Variants in RFX6 observed in about 807,000 individuals in gnomAD.
RFX6 encodes regulatory factor X6.
RFX6 carries 50 observed loss-of-function variants against 110.8 expected under a neutral mutation model. That is an observed-to-expected ratio of 0.45 (90% CI 0.36 to 0.57). RFX6 has a LOEUF of 0.57. Ranked by LOEUF, RFX6 falls within the 20% of genes least tolerant of loss-of-function variation. RFX6 has a pLI of 0.00. For synonymous variants in RFX6, 383 were observed against 411.2 expected (o/e 0.93, Z 0.83); for missense variants, 990 against 1,127.0 (o/e 0.88, Z 1.74).
intron 7 of RFX6, among the ~76,000 whole-genome samples, 164 bp downstream of exon 7, chr6:116,911,206 A>G (rs1301382487): frequency 6.6e-6 from 1 of 152,200 alleles, no homozygotes; most frequent in Non-Finnish European, 1.5e-5. Flanking sequence ...ATTGATTAAC[A>G]CTTCCAATTA....
intron 7 of RFX6, among the ~76,000 whole-genome samples, chr6:116,915,426 A>T (rs1234107925): frequency 6.6e-6 from 1 of 152,138 alleles, no homozygotes; most frequent in Non-Finnish European, 1.5e-5. Context: ...TGTTATTACT[A>T]CCTACTTAAA....
chr6:116,894,163 G>A, intron 5 of RFX6, 99 bp downstream of exon 5: 1 of 788,078 alleles, frequency 1.3e-6, no homozygotes, highest in Non-Finnish European at 2.3e-6. Flanking sequence ...TTATCAAGAT[G>A]TTTCCATTTA....
intron 6 of RFX6, among the ~76,000 whole-genome samples, chr6:116,907,213 T>A (rs532887557): frequency 1.3e-5 from 2 of 152,252 alleles, no homozygotes; most frequent in South Asian, 4.1e-4. Flanking sequence ...AAATCTCACT[T>A]ATTTATGGTG....
intron 16 of RFX6, 88 bp from the exon 17 acceptor site, chr6:116,926,939 A>C: frequency 8.1e-7 from 1 of 1,238,390 alleles, no homozygotes; most frequent in South Asian, 1.2e-5. Context: ...AAAACAATAC[A>C]TTAATAAATC....
chr6:116,894,464 T>C (rs4946201), intron 5 of RFX6, among the ~76,000 whole-genome samples: 2 of 152,290 alleles, frequency 1.3e-5, no homozygotes, highest in South Asian at 4.1e-4. Context: ...CTTACCAAGA[T>C]AGAAAGTTTA....
intron 6 of RFX6, among the ~76,000 whole-genome samples, chr6:116,910,255 T>A (rs1247524565): frequency 6.6e-6 from 1 of 152,234 alleles, no homozygotes; most frequent in Admixed American, 6.5e-5. Flanking sequence ...GTCATGAATA[T>A]GTGTTTGTTC....
At chr6:116,887,031 C>T (rs1017986833) in intron 4 of RFX6, among the ~76,000 whole-genome samples, 2 of 151,994 alleles carry the variant, frequency 1.3e-5, no homozygotes, top group Non-Finnish European at 2.9e-5. Context: ...CCACTGCACT[C>T]CAGCCTGGCG....
At position 116,890,777 on chromosome 6, in the gene RFX6, G is replaced by T. The variant is rs865873234; in HGVS notation, c.567-3210G>T. Among the ~76,000 whole-genome samples the T allele has an allele frequency of 2.0e-5, 3 of 152,012 alleles. No homozygotes were observed. In the South Asian group the frequency reaches 6.2e-4, roughly 32 times the overall value. The stretch of plus-strand genomic sequence containing the variant: ...ATAAAATACATACATTAATTAAAAA[G>T]CACGGTTTTTTGAGTATATATAAAA... On this transcript the variant is annotated intron_variant, in intron 4 of 18. Coordinates refer to ENST00000332958, the MANE Select transcript of RFX6 (RefSeq NM_173560.4).
At chr6:116,884,258 C>T (rs1345154985) in intron 4 of RFX6, among the ~76,000 whole-genome samples, 2 of 152,108 alleles carry the variant, frequency 1.3e-5, no homozygotes, top group Admixed American at 6.6e-5. Context: ...TGGCAGTTTG[C>T]TGGTACCTAT....
chr6:116,909,094 G>GT (rs1386493331), intron 6 of RFX6, among the ~76,000 whole-genome samples: 2 of 151,620 alleles, frequency 1.3e-5, no homozygotes, highest in Non-Finnish European at 2.9e-5. Flanking sequence ...TTTTGAGTCT[G>GT]TTTTTTTCTT....
chr6:116,913,900 A>C lies in RFX6; in HGVS notation c.781-2108A>C, dbSNP rs372304456. 2.0e-4 allele frequency among the ~76,000 whole-genome samples: 31 copies of C among 152,270 alleles called. No homozygotes were observed. In the South Asian group the frequency reaches 6.4e-3, roughly 32 times the overall value. ...AATCAGTGTAATTGGGTTACTGATC[A>C]CCTTAAATATTTATCTTCTCTTTTT... is the stretch of plus-strand genomic sequence containing the variant. On this transcript the variant is annotated intron_variant, in intron 7 of 18. Transcript: ENST00000332958.
At chr6:116,895,546 G>T (rs780729807) in intron 6 of RFX6, among the ~76,000 whole-genome samples, 10 of 151,994 alleles carry the variant, frequency 6.6e-5, no homozygotes, top group Non-Finnish European at 1.2e-4. Flanking sequence ...GATATGGAAA[G>T]AATTGGTCTT....
intron 18 of RFX6, among the ~76,000 whole-genome samples, 167 bp from the exon 19 acceptor site, chr6:116,931,164 C>A (rs755361545): frequency 9.9e-5 from 15 of 151,956 alleles, no homozygotes; most frequent in Non-Finnish European, 1.9e-4. Flanking sequence ...CAAGTGGGAA[C>A]AAATGGAAGA....
rs751261241 is a variant in RFX6 at position 116,928,772 on chromosome 6, C to G, written c.2412C>G (p.Ser804Arg). Residue 804 changes from serine (S) to arginine (R), a missense_variant, in exon 18 of 19, where the codon AGC (serine) becomes AGG (arginine). Ser to Arg is a moderately radical substitution (Grantham distance 110). Coordinates refer to ENST00000332958, the MANE Select transcript of RFX6 (RefSeq NM_173560.4). ...PPNSPNGYYG[S>R]NINYPESHRL... ...TTTCTGTTACAGGATACTATGGAAGCAACATAAACTACCCAGAGTCTCACA... is the reference window on the plus strand; with the variant it reads ...TTTCTGTTACAGGATACTATGGAAGGAACATAAACTACCCAGAGTCTCACA... 2.5e-6 allele frequency: 4 copies of G among 1,611,694 alleles called. No homozygotes were observed. The African/African-American group carries it at 4.0e-5, about 16-fold the overall frequency.
chr6:116,906,137 C>T (rs1357819307), intron 6 of RFX6, among the ~76,000 whole-genome samples: 2 of 152,132 alleles, frequency 1.3e-5, no homozygotes, highest in South Asian at 2.1e-4. Context: ...TGTCCTTTCC[C>T]CATAGAATGG....
chr6:116,916,925 A>G (rs1292431169), intron 9 of RFX6, among the ~76,000 whole-genome samples: 1 of 152,154 alleles, frequency 6.6e-6, no homozygotes. Context: ...GGATAAAACT[A>G]TATTGCAATG....
At chr6:116,924,586 GACTT>G in intron 14 of RFX6, 79 bp from the exon 15 acceptor site, 1 of 1,235,976 alleles carries the variant, frequency 8.1e-7, no homozygotes. Flanking sequence ...AAAGATAACT[GACTT>G]CTCTTTCCCT....
intron 3 of RFX6, among the ~76,000 whole-genome samples, chr6:116,881,003 A>T (rs1282069186): frequency 6.6e-6 from 1 of 152,062 alleles, no homozygotes; most frequent in African/African-American, 2.4e-5. Context: ...TTGCTAATGC[A>T]ATTAGTGGTT....
At chr6:116,907,860 T>G (rs1186160026) in intron 6 of RFX6, among the ~76,000 whole-genome samples, 1 of 151,954 alleles carries the variant, frequency 6.6e-6, no homozygotes, top group Non-Finnish European at 1.5e-5. Flanking sequence ...ACTGTTCATT[T>G]CTCCCTTTAA....
Sources: allele counts gnomAD v4.1 joint callset (sites outside exome capture counted in the v4.1 genomes callset), GRCh38; gene constraint gnomAD v4.1.1; transcripts MANE v1.5; gene names NCBI Gene and HGNC (gene_info 2026-07-23, HGNC 2026-07-21).